Variants in EIF2AK2 observed in about 807,000 individuals in gnomAD.
EIF2AK2 encodes eukaryotic translation initiation factor 2 alpha kinase 2, also known as interferon-induced, double-stranded RNA-activated protein kinase.
EIF2AK2 carries 40 observed loss-of-function variants against 70.5 expected under a neutral mutation model. The ratio of observed to expected loss-of-function variants is 0.57; its 90% CI spans 0.44 to 0.74. The LOEUF (loss-of-function observed/expected upper bound fraction) is 0.74, where lower values mean the gene tolerates loss of function less well. Ranked by LOEUF, EIF2AK2 falls within the 30% of genes least tolerant of loss-of-function variation. The pLI, the probability that EIF2AK2 is intolerant of heterozygous loss-of-function variation, is 0.00. For missense variants in EIF2AK2, 555 were observed against 644.3 expected (o/e 0.86, Z 1.50); for synonymous variants, 198 against 220.9 (o/e 0.90, Z 0.92).
At chr2:37,146,720 T>A (rs946176975) in intron 4 of EIF2AK2, 133 bp downstream of exon 4, 5 of 1,133,474 alleles carry the variant, frequency 4.4e-6, no homozygotes, top group Non-Finnish European at 6.2e-6. Context: ...ATAGGGTGAA[T>A]GACTTAACCA....
intron 3 of EIF2AK2, 106 bp from the exon 4 acceptor site, chr2:37,147,079 A>G: frequency 9.3e-7 from 1 of 1,075,160 alleles, no homozygotes; most frequent in Admixed American, 2.8e-5. Context: ...GAGGGTTTGA[A>G]CCTACATTCA....
Position 37,122,633 on chromosome 2 carries a change from T to C in EIF2AK2, c.940A>G (p.Lys314Glu), listed in dbSNP as rs757791378. 43 of 1,614,146 alleles carry C rather than the reference T, an allele frequency of 2.7e-5. No individual in the cohort carries two copies. The South Asian group carries it at 3.2e-4, about 12-fold the overall frequency. The change falls in exon 12 of 17, where the codon AAA becomes GAA. Residue 314 changes from lysine (K) to glutamate (E), a missense_variant. Transcript: ENST00000233057. ...TGAACAATATTTACATGATCAAGTT[T>C]TGCCAATGCTTTTACTTCACGCTCC... ...KAEREVKALA[K>E]LDHVNIVHYN...
In EIF2AK2 at chr2:37,156,921, G is replaced by A; in HGVS notation, c.-197C>T. ...TGCCCTGCTCACCTGCGCCGCCGCCGCCGCCGCCGCCGCCGCCGGCCGGAG... is the reference window on the plus strand; with the variant it reads ...TGCCCTGCTCACCTGCGCCGCCGCCACCGCCGCCGCCGCCGCCGGCCGGAG... On this transcript the variant is annotated 5_prime_UTR_variant, in exon 1 of 17. Transcript: ENST00000233057. 1 of 180,850 alleles carries A rather than the reference G, an allele frequency of 5.5e-6. No homozygotes were observed. Among genetic ancestry groups the A allele is most frequent in the Admixed American group, 6.8e-5 (1 of 14,814 alleles). 11.2% of individuals were successfully genotyped at this position (180,850 alleles called of 1,614,324 possible). A position where few individuals can be genotyped will look rare whatever the true frequency, so the allele number is the denominator to read the frequency against.
At chr2:37,108,018 C>T (rs1213989146) in intron 15 of EIF2AK2, among the ~76,000 whole-genome samples, 6 of 151,918 alleles carry the variant, frequency 3.9e-5, no homozygotes, top group African/African-American at 9.7e-5. Context: ...TGGTGGTGCA[C>T]GCCTGTAGTC....
chr2:37,141,886 G>A (rs369191987), intron 4 of EIF2AK2, among the ~76,000 whole-genome samples, 185 bp from the exon 5 acceptor site: 4 of 151,996 alleles, frequency 2.6e-5, no homozygotes, highest in Non-Finnish European at 5.9e-5. Flanking sequence ...GAAAAAAATC[G>A]ACGAAGATAG....
chr2:37,102,431 A>G lies in EIF2AK2; in HGVS notation c.*4842T>C, dbSNP rs1673849496. ...TAATATTGAAATTATTCAATATTCC[A>G]TAATGAAAAGTTAACATGCCAAGAA... On this transcript the variant is annotated 3_prime_UTR_variant, in exon 17 of 17. Transcript: ENST00000233057. The G allele has an allele frequency of 6.6e-6, 1 of 152,204 alleles. No individual in the cohort carries two copies. Among genetic ancestry groups the G allele is most frequent in the South Asian group, 2.1e-4 (1 of 4,834 alleles). The allele number at this position is 152,204 out of a possible 1,614,324, so 9.4% of individuals were successfully genotyped here.
intron 13 of EIF2AK2, among the ~76,000 whole-genome samples, chr2:37,118,321 A>C (rs2148673566): frequency 6.6e-6 from 1 of 152,296 alleles, no homozygotes; most frequent in South Asian, 2.1e-4. Context: ...CTCAAAAAAA[A>C]ATAAAAATTA....
chr2:37,113,173 T>C (rs1357600400), intron 14 of EIF2AK2, among the ~76,000 whole-genome samples: 1 of 152,162 alleles, frequency 6.6e-6, no homozygotes, highest in Non-Finnish European at 1.5e-5. Context: ...ATGAGAAACC[T>C]AGCAGCCGTA....
chr2:37,141,466 A>G (rs1030904004), intron 5 of EIF2AK2, 87 bp downstream of exon 5: 39 of 1,510,814 alleles, frequency 2.6e-5, no homozygotes, highest in Non-Finnish European at 3.2e-5. Flanking sequence ...AAAAGGACAC[A>G]TATTTCTGGA....
In EIF2AK2 at chr2:37,139,722, T is replaced by C. The variant is rs760178328; in HGVS notation, c.425A>G (p.Tyr142Cys). 2.3e-5 allele frequency: 37 copies of C among 1,612,784 alleles called. No individual in the cohort carries two copies. The highest frequency in any genetic ancestry group is 3.1e-5 in the Non-Finnish European group (36 of 1,179,642). The change falls in exon 6 of 17, where the codon TAT (tyrosine) becomes TGT (cysteine). Residue 142 changes from tyrosine (Y) to cysteine (C), a missense_variant. By Grantham distance (194) the Tyr-to-Cys change is radical. Around this residue, in one of 3 missense-constraint regions of EIF2AK2, gnomAD observed 208 missense variants for 191.8 expected, o/e 1.08. Coordinates refer to ENST00000233057, the MANE Select transcript of EIF2AK2 (RefSeq NM_001135651.3). ...HYKCKMGQKE[Y>C]SIGTGSTKQE... ...TTTAGTAGAACCTGTACCAATACTA[T>C]ATTCTTTCTGTCCCATTTTGCATTT...
At chr2:37,145,742 C>CT (rs56051707) in intron 4 of EIF2AK2, among the ~76,000 whole-genome samples, 5 of 51,224 alleles carry the variant, frequency 9.8e-5, no homozygotes, top group African/African-American at 4.0e-4. Context: ...TTTTGCTTGT[C>CT]TTTTTTTTTT....
rs544197772 is a variant in EIF2AK2, at chr2:37,100,641, C to T, written c.*6632G>A. On this transcript the variant is annotated 3_prime_UTR_variant, in exon 17 of 17. Transcript: ENST00000233057. ...AGTCATAATCACAGATCAGAAACTG[C>T]AGACATTGAGGCCTGGATGGCCGTT... is the stretch of plus-strand genomic sequence containing the variant. 2.2e-4 allele frequency: 34 copies of T among 152,318 alleles called. No individual in the cohort carries two copies. The East Asian group carries it at 6.4e-3, about 28-fold the overall frequency. 9.4% of individuals were successfully genotyped at this position (152,318 alleles called of 1,614,324 possible).
chr2:37,104,693 C>T lies in EIF2AK2; in HGVS notation c.*2580G>A, dbSNP rs1673911014. The T allele has an allele frequency of 6.6e-6, 1 of 151,700 alleles. No homozygotes were observed. Among genetic ancestry groups the T allele is most frequent in the Non-Finnish European group, 1.5e-5 (1 of 67,966 alleles). The allele number at this position is 151,700 out of a possible 1,614,324, so 9.4% of individuals were successfully genotyped here. A position where few individuals can be genotyped will look rare whatever the true frequency, so the allele number is the denominator to read the frequency against. ...TTTGGTCATTGTATCTTACAAGTCT[C>T]TCCCCTTTTTTTTTTTTTCATGACA... On this transcript the variant is annotated 3_prime_UTR_variant, in exon 17 of 17. Transcript: ENST00000233057.
rs1349574989 is a variant in EIF2AK2 at position 37,138,570 on chromosome 2, A to C, written c.532T>G (p.Ser178Ala). Residue 178 changes from serine to alanine, a missense_variant, in exon 7 of 17, where the codon TCC becomes GCC. This residue lies in a region of EIF2AK2 where 208 missense variants were observed against 191.8 expected (regional missense o/e 1.08). Transcript: ENST00000233057. ...CACGTAGTAGCAAAAGAACCAGAGG[A>C]CAGGTAGTCAGATTTCTGAAAGAAA... is the stretch of plus-strand genomic sequence containing the variant. ...EETSVKSDYL[S>A]SGSFATTCES... 1.2e-6 allele frequency: 2 copies of C among 1,614,030 alleles called. No individual in the cohort carries two copies. The highest frequency in any genetic ancestry group is 1.7e-6 in the Non-Finnish European group (2 of 1,179,996).
At chr2:37,115,970 C>G (rs1674327292) in intron 13 of EIF2AK2, among the ~76,000 whole-genome samples, 1 of 152,080 alleles carries the variant, frequency 6.6e-6, no homozygotes, top group African/African-American at 2.4e-5. Flanking sequence ...GATCTCGGCT[C>G]ACCACAACCT....
At chr2:37,149,114 C>G (rs542751832) in intron 1 of EIF2AK2, 91 bp from the exon 2 acceptor site, 3 of 890,984 alleles carry the variant, frequency 3.4e-6, no homozygotes, top group Middle Eastern at 4.3e-4. Flanking sequence ...TCTATGATAG[C>G]CAGGGTCTCC....
intron 7 of EIF2AK2, 52 bp downstream of exon 7, chr2:37,138,457 T>G: frequency 6.2e-7 from 1 of 1,601,554 alleles, no homozygotes; most frequent in South Asian, 1.1e-5. Context: ...AATCTGTCTT[T>G]CAGACAGAAA....
At chr2:37,141,939 T>G (rs1350125874) in intron 4 of EIF2AK2, among the ~76,000 whole-genome samples, 1 of 152,210 alleles carries the variant, frequency 6.6e-6, no homozygotes, top group Non-Finnish European at 1.5e-5. Flanking sequence ...TGTTTGTCCT[T>G]GGAAAGTACT....
At chr2:37,129,514 A>G (rs1244730361) in intron 10 of EIF2AK2, among the ~76,000 whole-genome samples, 1 of 152,120 alleles carries the variant, frequency 6.6e-6, no homozygotes, top group Non-Finnish European at 1.5e-5. Context: ...GGTACCCGGC[A>G]TCCTTCGCCC....
Sources: gnomAD v4.1 joint callset for allele counts (sites outside exome capture counted in the v4.1 genomes callset) on GRCh38, gnomAD v4.1.1 for gene constraint, gnomAD v4.1.1 regional missense constraint, MANE v1.5 for transcripts, NCBI Gene and HGNC (gene_info 2026-07-23, HGNC 2026-07-21) for gene names.